DAAM1: variants seen among roughly 807,000 people sequenced by gnomAD.
DAAM1 encodes dishevelled associated activator of morphogenesis 1, also known as disheveled-associated activator of morphogenesis 1.
DAAM1 carries 52 observed loss-of-function variants against 130.0 expected under a neutral mutation model. The ratio of observed to expected loss-of-function variants is 0.40; its 90% CI spans 0.32 to 0.50. The LOEUF is 0.50. Among genes scored for constraint, DAAM1 ranks in the 20% least tolerant of loss-of-function variants. DAAM1 has a pLI of 0.61. For missense variants in DAAM1, 1,134 were observed against 1,303.8 expected (o/e 0.87, Z 2.01); for synonymous variants, 452 against 444.5 (o/e 1.02, Z -0.21).
chr14:59,363,417 A>C, intron 22 of DAAM1: 2 of 448,924 alleles, frequency 4.5e-6, no homozygotes, highest in South Asian at 5.4e-5. Context: ...TAGATCAAGT[A>C]CTTAGATTGT....
chr14:59,210,450 G>C (rs9323341), intron 1 of DAAM1, among the ~76,000 whole-genome samples: 26,596 of 152,142 alleles, frequency 0.17, 2,568 homozygotes, highest in East Asian at 0.33. Context: ...AGAAATGGGA[G>C]TAATTAGCAA....
chr14:59,357,047 G>A lies in DAAM1; in HGVS notation c.2525+1714G>A, dbSNP rs150915806. Among the ~76,000 whole-genome samples the A allele has an allele frequency of 3.7e-3, 568 of 152,360 alleles. 3 individuals carry two copies. Among genetic ancestry groups the A allele is most frequent in the African/African-American group, 0.013 (539 of 41,586 alleles). ...AAGGGTGCATTCACTCAGCATTGAA[G>A]GCTCAGTTACTGGTAATGAGCAGGG... On this transcript the variant is annotated intron_variant, in intron 20 of 24. Transcript: ENST00000360909.
intron 2 of DAAM1, among the ~76,000 whole-genome samples, chr14:59,270,456 A>C (rs1882660368): frequency 6.6e-6 from 1 of 152,122 alleles, no homozygotes; most frequent in Admixed American, 6.5e-5. Flanking sequence ...AGTAACCCGG[A>C]GGGAGGAAAT....
intron 3 of DAAM1, among the ~76,000 whole-genome samples, chr14:59,309,909 T>C (rs1884515038): frequency 6.6e-6 from 1 of 152,230 alleles, no homozygotes; most frequent in Non-Finnish European, 1.5e-5. Context: ...TGGCACCTAT[T>C]CTCTAACATA....
chr14:59,216,323 A>AGT (rs1039512219), intron 1 of DAAM1, among the ~76,000 whole-genome samples: 1 of 151,962 alleles, frequency 6.6e-6, no homozygotes, highest in African/African-American at 2.4e-5. Flanking sequence ...AATGACTTTG[A>AGT]GTGTGTGTGT....
chr14:59,247,718 T>TA (rs74787727), intron 1 of DAAM1, among the ~76,000 whole-genome samples: 200 of 145,604 alleles, frequency 1.4e-3, no homozygotes, highest in Middle Eastern at 3.5e-3. Flanking sequence ...AAGCTCATGT[T>TA]AAAAAAAAAA....
chr14:59,260,079 A>T (rs1303308439), intron 1 of DAAM1, among the ~76,000 whole-genome samples: 2 of 152,224 alleles, frequency 1.3e-5, no homozygotes, highest in Non-Finnish European at 2.9e-5. Context: ...TTAAACTTTT[A>T]TAGCAATTTG....
At chr14:59,266,589 T>G (rs944941952) in intron 2 of DAAM1, among the ~76,000 whole-genome samples, 3 of 152,216 alleles carry the variant, frequency 2.0e-5, no homozygotes, top group Admixed American at 6.5e-5. Flanking sequence ...GGAGAACAAA[T>G]TATCTTGAGG....
intron 2 of DAAM1, among the ~76,000 whole-genome samples, chr14:59,278,759 A>T (rs1883082950): frequency 6.6e-6 from 1 of 152,204 alleles, no homozygotes; most frequent in South Asian, 2.1e-4. Flanking sequence ...CAAAGAAAGG[A>T]TAAGAATATT....
At chr14:59,258,708 ATG>A (rs1206669078) in intron 1 of DAAM1, among the ~76,000 whole-genome samples, 1 of 152,074 alleles carries the variant, frequency 6.6e-6, no homozygotes, top group Non-Finnish European at 1.5e-5. Context: ...AGCTCCATAT[ATG>A]GGGAAAAAAT....
At chr14:59,240,795 G>A (rs1881078122) in intron 1 of DAAM1, among the ~76,000 whole-genome samples, 1 of 152,262 alleles carries the variant, frequency 6.6e-6, no homozygotes, top group Non-Finnish European at 1.5e-5. Flanking sequence ...TCACTGTCCA[G>A]GGGATGGAGT....
chr14:59,229,821 T>C (rs1889048311), intron 1 of DAAM1, among the ~76,000 whole-genome samples: 1 of 152,256 alleles, frequency 6.6e-6, no homozygotes, highest in Non-Finnish European at 1.5e-5. Flanking sequence ...AAGGCATGGC[T>C]CTGGCTGGTG....
chr14:59,238,477 G>A (rs1167367614), intron 1 of DAAM1, among the ~76,000 whole-genome samples: 1 of 152,130 alleles, frequency 6.6e-6, no homozygotes, highest in Non-Finnish European at 1.5e-5. Flanking sequence ...GAAACTAAGT[G>A]TGATTTCTTT....
chr14:59,240,889 A>G (rs1323641042), intron 1 of DAAM1, among the ~76,000 whole-genome samples: 1 of 152,256 alleles, frequency 6.6e-6, no homozygotes, highest in Admixed American at 6.5e-5. Context: ...ACTGAATCAC[A>G]TGGTGAAGGA....
At chr14:59,216,413 T>G (rs1888581305) in intron 1 of DAAM1, among the ~76,000 whole-genome samples, 2 of 152,186 alleles carry the variant, frequency 1.3e-5, no homozygotes, top group Admixed American at 1.3e-4. Flanking sequence ...AAAAAGGATT[T>G]TAATCAATTG....
intron 3 of DAAM1, among the ~76,000 whole-genome samples, chr14:59,297,625 G>A (rs559679830): frequency 6.6e-6 from 1 of 152,196 alleles, no homozygotes; most frequent in South Asian, 2.1e-4. Context: ...TTTGCTTTCC[G>A]TGGTTTCACT....
At chr14:59,288,659 C>A (rs1000270996) in intron 2 of DAAM1, among the ~76,000 whole-genome samples, 19 of 152,222 alleles carry the variant, frequency 1.2e-4, no homozygotes, top group African/African-American at 4.6e-4. Flanking sequence ...AATCACTGTA[C>A]TACTCTGTTT....
At chr14:59,344,589 C>A (rs543237856) in intron 16 of DAAM1, among the ~76,000 whole-genome samples, 1 of 152,276 alleles carries the variant, frequency 6.6e-6, no homozygotes, top group East Asian at 1.9e-4. Context: ...GGTAGGGTTT[C>A]TTTGATCCAA....
rs550927564 is a variant in DAAM1, at chr14:59,229,908, A to G, written c.-37-33533A>G. Among the ~76,000 whole-genome samples the G allele has an allele frequency of 5.3e-5, 8 of 152,350 alleles. No individual in the cohort carries two copies. In the South Asian group the frequency reaches 1.7e-3, roughly 32 times the overall value. On this transcript the variant is annotated intron_variant, in intron 1 of 24. Transcript: ENST00000360909. ...TTCACCAGGTTGAAGTGAATGCCAA[A>G]TAAGCTTCTCCCACCACCACCCATC...
Sources: gnomAD v4.1 joint callset for allele counts (sites outside exome capture counted in the v4.1 genomes callset) on GRCh38, gnomAD v4.1.1 for gene constraint, MANE v1.5 for transcripts, NCBI Gene and HGNC (gene_info 2026-07-23, HGNC 2026-07-21) for gene names.